ALK: variants seen among roughly 807,000 people sequenced by gnomAD.
The protein encoded by ALK is ALK receptor tyrosine kinase.
ALK carries 74 observed loss-of-function variants against 163.1 expected under a neutral mutation model. The ratio of observed to expected loss-of-function variants is 0.45; its 90% CI spans 0.38 to 0.55. The LOEUF (loss-of-function observed/expected upper bound fraction) is 0.55, where lower values mean the gene tolerates loss of function less well. Ranked by LOEUF, ALK falls within the 20% of genes least tolerant of loss-of-function variation. The pLI, the probability that ALK is intolerant of heterozygous loss-of-function variation, is 0.00. For synonymous variants in ALK, 960 were observed against 843.2 expected, an observed-to-expected ratio of 1.14 and a Z score of -2.40; for missense variants, 2,063 against 2,105.3, an observed-to-expected ratio of 0.98 and a Z score of 0.39.
intron 1 of ALK, among the ~76,000 whole-genome samples, chr2:29,800,835 T>C (rs186162991): frequency 5.7e-4 from 87 of 152,300 alleles, no homozygotes; most frequent in African/African-American, 2.0e-3. Context: ...ATAAGGCAAT[T>C]TGGGGAGCTG....
chr2:29,777,982 C>T (rs1175160432), intron 1 of ALK, among the ~76,000 whole-genome samples: 2 of 152,194 alleles, frequency 1.3e-5, no homozygotes, highest in Non-Finnish European at 2.9e-5. Context: ...AACAGTGATG[C>T]TCAGATGCAA....
intron 3 of ALK, among the ~76,000 whole-genome samples, chr2:29,680,124 A>G (rs528889439): frequency 1.0e-3 from 152 of 152,026 alleles, no homozygotes; most frequent in African/African-American, 3.6e-3. Context: ...CTTTGGTGGC[A>G]TTTAACAATA....
chr2:29,696,339 A>T (rs1197626617), intron 2 of ALK, among the ~76,000 whole-genome samples: 1 of 152,102 alleles, frequency 6.6e-6, no homozygotes, highest in Non-Finnish European at 1.5e-5. Context: ...AACAATGAGA[A>T]CACATGGACA....
At chr2:29,858,346 G>A (rs78225340) in intron 1 of ALK, among the ~76,000 whole-genome samples, 7,480 of 152,156 alleles carry the variant, frequency 0.049, 245 homozygotes, top group Middle Eastern at 0.13. Flanking sequence ...TTAAGCATGA[G>A]GAACATCCCT....
chr2:29,598,534 T>C (rs557789632), intron 3 of ALK, among the ~76,000 whole-genome samples: 6 of 152,182 alleles, frequency 3.9e-5, no homozygotes, highest in Non-Finnish European at 8.8e-5. Context: ...TTCACAGTCT[T>C]GCAAGTAGGA....
chr2:29,349,209 T>C (rs1008674836), intron 5 of ALK, among the ~76,000 whole-genome samples: 1 of 152,136 alleles, frequency 6.6e-6, no homozygotes, highest in Non-Finnish European at 1.5e-5. Flanking sequence ...CCTTATTCTA[T>C]GGGCTCACTG....
intron 4 of ALK, among the ~76,000 whole-genome samples, chr2:29,451,744 T>C (rs1169119259): frequency 2.6e-5 from 4 of 152,168 alleles, no homozygotes; most frequent in Admixed American, 1.3e-4. Context: ...ATTTGCATAT[T>C]TGTCTCCTAA....
At chr2:29,245,539 G>A (rs1219917055) in intron 12 of ALK, among the ~76,000 whole-genome samples, 3 of 136,806 alleles carry the variant, frequency 2.2e-5, no homozygotes, top group African/African-American at 8.4e-5. Context: ...ATGTCTCAGT[G>A]CCCTGCACAA....
intron 5 of ALK, among the ~76,000 whole-genome samples, chr2:29,367,148 G>A (rs1668527565): frequency 6.6e-6 from 1 of 152,164 alleles, no homozygotes; most frequent in South Asian, 2.1e-4. Context: ...TTCAGTGTGT[G>A]CATCCAGTAT....
intron 1 of ALK, among the ~76,000 whole-genome samples, chr2:29,828,551 C>T (rs1472505361): frequency 1.3e-5 from 2 of 152,160 alleles, no homozygotes; most frequent in Admixed American, 6.5e-5. Flanking sequence ...AGCCAAAAGA[C>T]ACATGAAAAA....
intron 2 of ALK, among the ~76,000 whole-genome samples, chr2:29,704,061 A>G (rs1200931747): frequency 3.3e-5 from 5 of 152,154 alleles, no homozygotes; most frequent in Admixed American, 6.5e-5. Flanking sequence ...ATGGCATAGG[A>G]AAATGCCAAT....
At chr2:29,618,939 A>G (rs915553055) in intron 3 of ALK, among the ~76,000 whole-genome samples, 1 of 152,142 alleles carries the variant, frequency 6.6e-6, no homozygotes, top group Non-Finnish European at 1.5e-5. Flanking sequence ...AGATTGCGCC[A>G]CTGCACTACA....
chr2:29,273,372 T>C (rs1665445326), intron 11 of ALK, among the ~76,000 whole-genome samples: 1 of 152,246 alleles, frequency 6.6e-6, no homozygotes, highest in African/African-American at 2.4e-5. Context: ...AGTTTCTCAG[T>C]GGGGAGACTT....
At chr2:29,617,729 CCTA>C (rs778826724) in intron 3 of ALK, among the ~76,000 whole-genome samples, 7 of 152,206 alleles carry the variant, frequency 4.6e-5, no homozygotes, top group African/African-American at 7.2e-5. Context: ...CACTATCTTC[CCTA>C]CTATCTCCCC....
chr2:29,412,916 T>C (rs1669765888), intron 4 of ALK, among the ~76,000 whole-genome samples: 1 of 152,222 alleles, frequency 6.6e-6, no homozygotes, highest in Admixed American at 6.5e-5. Flanking sequence ...TCTAGAATTT[T>C]TGTTTGTCTC....
At chr2:29,458,733 A>T (rs765816633) in intron 4 of ALK, among the ~76,000 whole-genome samples, 1 of 152,142 alleles carries the variant, frequency 6.6e-6, no homozygotes. Context: ...ATTAAGATTG[A>T]ATTCTCCTGG....
chr2:29,228,769 A>G, intron 16 of ALK, 115 bp downstream of exon 16: 2 of 759,970 alleles, frequency 2.6e-6, no homozygotes, highest in South Asian at 3.0e-5. Context: ...GTGCAGTCAC[A>G]TCACAGTCCA....
chr2:29,328,590 C>T, intron 5 of ALK, 109 bp from the exon 6 acceptor site: 1 of 1,442,848 alleles, frequency 6.9e-7, no homozygotes, highest in Non-Finnish European at 9.7e-7. Flanking sequence ...ATTATCCTGC[C>T]CTGCCATTCA....
At chr2:29,833,882 G>A (rs1215088000) in intron 1 of ALK, among the ~76,000 whole-genome samples, 1 of 152,148 alleles carries the variant, frequency 6.6e-6, no homozygotes. Context: ...GTCCTTGGAA[G>A]CTTAATTACA....
Sources: gnomAD v4.1 joint callset for allele counts (sites outside exome capture counted in the v4.1 genomes callset) on GRCh38, gnomAD v4.1.1 for gene constraint, MANE v1.5 for transcripts, NCBI Gene and HGNC (gene_info 2026-07-23, HGNC 2026-07-21) for gene names.